Variants in KMT5B observed in about 807,000 individuals in gnomAD.
KMT5B encodes the protein lysine methyltransferase 5B, also known as histone-lysine N-methyltransferase KMT5B.
KMT5B carries 10 observed loss-of-function variants against 83.2 expected under a neutral mutation model. The observed-to-expected ratio is 0.12, with a 90% confidence interval of 0.07 to 0.20. The LOEUF is 0.20. Among genes scored for constraint, KMT5B ranks in the 10% least tolerant of loss-of-function variants. The pLI, the probability that KMT5B is intolerant of heterozygous loss-of-function variation, is 1.00. For missense variants in KMT5B, 753 were observed against 1,067.2 expected, an observed-to-expected ratio of 0.71 and a Z score of 4.10; for synonymous variants, 349 against 388.8, an observed-to-expected ratio of 0.90 and a Z score of 1.20.
intron 1 of KMT5B, among the ~76,000 whole-genome samples, chr11:68,197,473 T>TA (rs1858864440): frequency 1.3e-5 from 2 of 152,276 alleles, no homozygotes. Flanking sequence ...AATTATGGAA[T>TA]AAAAAATTAA....
At chr11:68,165,765 G>T in intron 10 of KMT5B, 2 of 1,494,092 alleles carry the variant, frequency 1.3e-6, no homozygotes, top group Non-Finnish European at 1.8e-6. Flanking sequence ...AACAGTTAAT[G>T]ATTGACTAAC....
chr11:68,187,983 TGCTTGGTAAA>T (rs1354698786), intron 2 of KMT5B, among the ~76,000 whole-genome samples: 3 of 152,098 alleles, frequency 2.0e-5, no homozygotes, highest in Non-Finnish European at 2.9e-5. Context: ...TATTTATCTA[TGCTTGGTAAA>T]GTGTAACCAA....
At chr11:68,166,536 G>C (rs1855335629) in intron 10 of KMT5B, 23 of 1,005,762 alleles carry the variant, frequency 2.3e-5, no homozygotes, top group Non-Finnish European at 2.7e-5. Flanking sequence ...GCAATGAAAA[G>C]GTGGAAGCCT....
intron 10 of KMT5B, among the ~76,000 whole-genome samples, chr11:68,161,928 C>T (rs773418204): frequency 6.6e-6 from 1 of 152,174 alleles, no homozygotes; most frequent in African/African-American, 2.4e-5. Flanking sequence ...TGTCTCTAAG[C>T]CCCTAAATGG....
At chr11:68,170,532 C>A (rs1472656756) in intron 9 of KMT5B, among the ~76,000 whole-genome samples, 1 of 152,134 alleles carries the variant, frequency 6.6e-6, no homozygotes, top group East Asian at 1.9e-4. Context: ...TGTAAAGACT[C>A]CAGGACTCTT....
At position 68,156,635 on chromosome 11, in the gene KMT5B, T is replaced by C. The variant is rs1859315388; in HGVS notation, c.*1053A>G. ...TTCTTTTAATTTCTTATGACAAAAA[T>C]TTCTCACAACACACAAATATTTACA... is the stretch of plus-strand genomic sequence containing the variant. On this transcript the variant is annotated 3_prime_UTR_variant, in exon 11 of 11. Transcript: ENST00000304363. The C allele has an allele frequency of 6.6e-6, 1 of 152,620 alleles. No homozygotes were observed. 9.5% of individuals were successfully genotyped at this position (152,620 alleles called of 1,614,324 possible). A position where few individuals can be genotyped will look rare whatever the true frequency, so the allele number is the denominator to read the frequency against.
At chr11:68,178,677 AG>A (rs762662552) in intron 4 of KMT5B, among the ~76,000 whole-genome samples, 4 of 152,260 alleles carry the variant, frequency 2.6e-5, no homozygotes, top group Admixed American at 6.5e-5. Flanking sequence ...ATAATCCTAC[AG>A]AAGTATGTAA....
chr11:68,212,809 G>A (rs1237313697), intron 1 of KMT5B: 1 of 152,120 alleles, frequency 6.6e-6, no homozygotes, highest in East Asian at 1.9e-4. Flanking sequence ...CTGCCCATTG[G>A]AGAAAAGGGA....
intron 1 of KMT5B, among the ~76,000 whole-genome samples, chr11:68,200,079 A>C (rs1268734318): frequency 6.6e-6 from 1 of 152,146 alleles, no homozygotes; most frequent in Admixed American, 6.5e-5. Context: ...GCTGGATACC[A>C]GGGTCTGGAG....
chr11:68,198,729 G>C (rs1218858102), intron 1 of KMT5B, among the ~76,000 whole-genome samples: 1 of 152,124 alleles, frequency 6.6e-6, no homozygotes, highest in Non-Finnish European at 1.5e-5. Context: ...AGAAAGTACT[G>C]ACTGCTTCTT....
chr11:68,183,800 C>T (rs897895984), intron 3 of KMT5B, among the ~76,000 whole-genome samples: 3 of 150,874 alleles, frequency 2.0e-5, no homozygotes, highest in Admixed American at 1.3e-4. Context: ...GCCAGGACTA[C>T]AGGTGTGCAC....
intron 1 of KMT5B, among the ~76,000 whole-genome samples, chr11:68,197,096 G>A (rs141677129): frequency 7.7e-4 from 116 of 151,458 alleles, no homozygotes; most frequent in South Asian, 2.5e-3. Context: ...TCAGCCTCCC[G>A]AGTAGCTAGG....
intron 10 of KMT5B, 99 bp from the exon 11 acceptor site, chr11:68,159,270 T>G: frequency 6.9e-7 from 1 of 1,456,610 alleles, no homozygotes; most frequent in Non-Finnish European, 9.0e-7. Context: ...ACGTTTAGAT[T>G]ACACAAACGC....
chr11:68,168,913 C>T (rs944100250), intron 9 of KMT5B, among the ~76,000 whole-genome samples: 2 of 152,090 alleles, frequency 1.3e-5, no homozygotes, highest in African/African-American at 4.8e-5. Context: ...ATGCACTTGG[C>T]CTAACATTAA....
chr11:68,164,561 T>C, intron 10 of KMT5B: 2 of 454,360 alleles, frequency 4.4e-6, no homozygotes, highest in Admixed American at 4.8e-5. Flanking sequence ...TAACATACAA[T>C]GGTCTCAGAG....
chr11:68,181,076 T>TCC (rs765339925), intron 3 of KMT5B, among the ~76,000 whole-genome samples: 1 of 141,966 alleles, frequency 7.0e-6, no homozygotes, highest in African/African-American at 2.6e-5. Flanking sequence ...TTCTTTTTTC[T>TCC]TTTTTTTTTT....
In KMT5B at chr11:68,159,091, G is replaced by C. The variant is rs1415479892; in HGVS notation, c.1255C>G (p.Pro419Ala). ...TLTRQSMSRI[P>A]ASSNSTSSKL... ...GATGAGGTAGAGTTGGAAGAAGCTG[G>C]AATTCTTGACATAGATTGCCTCGTT... The change falls in exon 11 of 11, where the codon CCA (proline) becomes GCA (alanine). Residue 419 changes from proline (P) to alanine (A), a missense_variant. Physicochemically the swap from Pro to Ala is conservative, Grantham distance 27 (BLOSUM62 -1). Around this residue, in one of 9 missense-constraint regions of KMT5B, gnomAD observed 397 missense variants for 395.9 expected, o/e 1.00. Coordinates refer to ENST00000304363, the MANE Select transcript of KMT5B (RefSeq NM_017635.5). 1.9e-6 allele frequency: 3 copies of C among 1,607,016 alleles called. No individual in the cohort carries two copies. Among genetic ancestry groups the C allele is most frequent in the Non-Finnish European group, 2.5e-6 (3 of 1,178,370 alleles).
rs775087176 is a variant in KMT5B at position 68,170,274 on chromosome 11, T to C, written c.977+741A>G. On this transcript the variant is annotated intron_variant, in intron 9 of 10. Coordinates refer to ENST00000304363, the MANE Select transcript of KMT5B (RefSeq NM_017635.5). The stretch of plus-strand genomic sequence containing the variant: ...ATGTGGGCACCTCCTAGCTCTCTCA[T>C]GAATATCTGTGAGAACTGAACAAGG... Among the ~76,000 whole-genome samples, 15 of 152,298 alleles carry C rather than the reference T, an allele frequency of 9.8e-5. 1 individual carries two copies. Among genetic ancestry groups the C allele is most frequent in the Admixed American group, 2.6e-4 (4 of 15,296 alleles).
At chr11:68,187,081 C>T (rs1056744118) in intron 2 of KMT5B, among the ~76,000 whole-genome samples, 16 of 152,048 alleles carry the variant, frequency 1.1e-4, no homozygotes, top group African/African-American at 3.4e-4. Context: ...ACCGCAGCCT[C>T]GAATTCCTGG....
Sources: gnomAD v4.1 joint callset for allele counts (sites outside exome capture counted in the v4.1 genomes callset) on GRCh38, gnomAD v4.1.1 for gene constraint, gnomAD v4.1.1 regional missense constraint, MANE v1.5 for transcripts, NCBI Gene and HGNC (gene_info 2026-07-23, HGNC 2026-07-21) for gene names.